Variants in SOX6 observed in about 807,000 individuals in gnomAD.
SOX6 encodes transcription factor SOX-6.
Under a neutral mutation model 97.8 loss-of-function variants are expected in SOX6, and 11 were observed. The ratio of observed to expected loss-of-function variants is 0.11; its 90% CI spans 0.07 to 0.19. The LOEUF (loss-of-function observed/expected upper bound fraction) is 0.19. Ranked by LOEUF, SOX6 falls within the 10% of genes least tolerant of loss-of-function variation. The pLI is 1.00. For missense variants in SOX6, 810 were observed against 1,039.5 expected, an observed-to-expected ratio of 0.78 and a Z score of 3.04; for synonymous variants, 360 against 371.4, an observed-to-expected ratio of 0.97 and a Z score of 0.35.
rs938633804 is a variant in SOX6 at position 16,704,934 on chromosome 11, T to C, written n.429+9896A>G. The stretch of plus-strand genomic sequence containing the variant: ...TAAAACATTATTTAACAGGAAAAAA[T>C]ATATATTTGTCATGAAGCAAACTAA... On this transcript the variant is annotated intron_variant and non_coding_transcript_variant, in intron 3 of 5. Coordinates refer to the SOX6 transcript ENST00000524520. Among the ~76,000 whole-genome samples, 8 of 152,126 alleles carry C rather than the reference T, an allele frequency of 5.3e-5. No homozygotes were observed. In the East Asian group the frequency reaches 1.5e-3, roughly 29 times the overall value.
At chr11:16,587,837 C>T (rs1384783412) in intron 4 of SOX6, among the ~76,000 whole-genome samples, 1 of 152,152 alleles carries the variant, frequency 6.6e-6, no homozygotes, top group Admixed American at 6.5e-5. Context: ...ACTCAAAAAA[C>T]CTGGCACTGG....
At chr11:16,072,229 A>G (rs907272297) in intron 9 of SOX6, among the ~76,000 whole-genome samples, 2 of 152,206 alleles carry the variant, frequency 1.3e-5, no homozygotes, top group Non-Finnish European at 2.9e-5. Flanking sequence ...ATAAAAGACA[A>G]ATAGCCATTT....
At chr11:16,667,562 T>G (rs923097750) in intron 3 of SOX6, among the ~76,000 whole-genome samples, 4 of 150,962 alleles carry the variant, frequency 2.6e-5, no homozygotes, top group Non-Finnish European at 5.9e-5. Context: ...AAAAAAAAAC[T>G]TTTATCCTAG....
chr11:16,145,300 G>A (rs372893005), intron 6 of SOX6, among the ~76,000 whole-genome samples: 5 of 152,006 alleles, frequency 3.3e-5, no homozygotes, highest in South Asian at 4.1e-4. Context: ...AAATTCAACA[G>A]CCCTTCATGC....
chr11:16,094,165 G>A (rs1848747311), intron 9 of SOX6, among the ~76,000 whole-genome samples: 1 of 151,964 alleles, frequency 6.6e-6, no homozygotes, highest in South Asian at 2.1e-4. Context: ...TAATTAAAGT[G>A]ACAGACACGT....
At chr11:16,058,113 T>C (rs1252178036) in intron 9 of SOX6, among the ~76,000 whole-genome samples, 1 of 152,076 alleles carries the variant, frequency 6.6e-6, no homozygotes, top group African/African-American at 2.4e-5. Flanking sequence ...TTATTAACCC[T>C]CTATTTTTCT....
rs114981235 is a variant in SOX6, at chr11:16,698,148, T to C, written n.429+16682A>G. Among the ~76,000 whole-genome samples the C allele has an allele frequency of 7.7e-3, 1,172 of 152,342 alleles. 14 individuals are homozygous for C. The highest frequency in any genetic ancestry group is 0.027 in the African/African-American group (1,118 of 41,572). On this transcript the variant is annotated intron_variant and non_coding_transcript_variant, in intron 3 of 5. Transcript: ENST00000524520. ...AGCTATCAAAGTCCTCAATGGCATC[T>C]TCTTCCAATATAAGGCTATTTCATT...
At chr11:16,000,192 T>C (rs1854360361) in intron 13 of SOX6, among the ~76,000 whole-genome samples, 1 of 152,004 alleles carries the variant, frequency 6.6e-6, no homozygotes. Flanking sequence ...TGATTTCTTC[T>C]TGCAAAAAAA....
chr11:16,331,917 G>A (rs975757126), intron 2 of SOX6, among the ~76,000 whole-genome samples: 3 of 151,980 alleles, frequency 2.0e-5, no homozygotes, highest in African/African-American at 7.3e-5. Flanking sequence ...TTTTCTCTCT[G>A]GAAAGAAAAA....
chr11:16,169,145 C>A (rs1029158105), intron 6 of SOX6, among the ~76,000 whole-genome samples: 2 of 152,026 alleles, frequency 1.3e-5, no homozygotes, highest in African/African-American at 2.4e-5. Flanking sequence ...TATTTCAGAT[C>A]CATTTTTATT....
intron 6 of SOX6, among the ~76,000 whole-genome samples, chr11:16,142,762 T>C (rs939768717): frequency 6.6e-6 from 1 of 151,306 alleles, no homozygotes; most frequent in African/African-American, 2.4e-5. Context: ...TGATGGAAGA[T>C]CAAATGAATG....
intron 6 of SOX6, among the ~76,000 whole-genome samples, chr11:16,115,559 G>A (rs937537117): frequency 1.3e-5 from 2 of 152,138 alleles, no homozygotes; most frequent in African/African-American, 4.8e-5. Context: ...TGCTGGTCCA[G>A]GGGTCATTCT....
chr11:16,058,844 G>A (rs933779353), intron 9 of SOX6, among the ~76,000 whole-genome samples: 2 of 152,032 alleles, frequency 1.3e-5, no homozygotes, highest in Non-Finnish European at 2.9e-5. Context: ...CTTCTGTGAG[G>A]TTATGTGCTC....
chr11:16,066,949 G>C (rs909386849), intron 9 of SOX6, among the ~76,000 whole-genome samples: 29 of 151,984 alleles, frequency 1.9e-4, no homozygotes, highest in African/African-American at 6.5e-4. Flanking sequence ...TTTAAGATTT[G>C]ACTGCCCTGC....
chr11:16,515,309 A>AT (rs1442467623), intron 4 of SOX6, among the ~76,000 whole-genome samples: 2 of 151,478 alleles, frequency 1.3e-5, no homozygotes, highest in South Asian at 2.1e-4. Flanking sequence ...GATTATGAGC[A>AT]TTTTTTCATG....
At chr11:16,421,042 A>T (rs370267128) in intron 1 of SOX6, among the ~76,000 whole-genome samples, 11 of 152,192 alleles carry the variant, frequency 7.2e-5, no homozygotes, top group Non-Finnish European at 1.5e-4. Context: ...AATGTGAGAA[A>T]AAAAATGGCA....
chr11:16,639,906 T>G (rs1309769247), intron 3 of SOX6, among the ~76,000 whole-genome samples: 2 of 152,204 alleles, frequency 1.3e-5, no homozygotes, highest in East Asian at 3.9e-4. Flanking sequence ...TTTATTTCCT[T>G]CTCCTGCCTG....
At chr11:16,339,359 A>AT (rs1856558907) in intron 2 of SOX6, among the ~76,000 whole-genome samples, 1 of 152,010 alleles carries the variant, frequency 6.6e-6, no homozygotes, top group Non-Finnish European at 1.5e-5. Flanking sequence ...ATCCTTCATC[A>AT]TAACTCTCCA....
chr11:15,986,515 T>C, intron 14 of SOX6, 95 bp from the exon 15 acceptor site: 1 of 1,215,138 alleles, frequency 8.2e-7, no homozygotes, highest in Non-Finnish European at 1.2e-6. Context: ...TTCACTCATC[T>C]GTGCGCTGGG....
Sources: gnomAD v4.1 joint callset for allele counts (sites outside exome capture counted in the v4.1 genomes callset) on GRCh38, gnomAD v4.1.1 for gene constraint, MANE v1.5 for transcripts, NCBI Gene and HGNC (gene_info 2026-07-23, HGNC 2026-07-21) for gene names.